Variants in SLC7A1 observed in about 807,000 individuals in gnomAD.
SLC7A1 encodes the protein high affinity cationic amino acid transporter 1.
Under a neutral mutation model 53.9 loss-of-function variants are expected in SLC7A1, and 10 were observed. The observed-to-expected ratio is 0.19, with a 90% CI of 0.11 to 0.31. The LOEUF (loss-of-function observed/expected upper bound fraction) is 0.31, where lower values mean the gene tolerates loss of function less well. Among genes scored for constraint, SLC7A1 ranks in the 10% least tolerant of loss-of-function variants. The pLI, the probability that SLC7A1 is intolerant of heterozygous loss-of-function variation, is 1.00. For missense variants in SLC7A1, 525 were observed against 827.2 expected (o/e 0.63, Z 4.48); for synonymous variants, 342 against 338.7 (o/e 1.01, Z -0.11).
chr13:29,556,013 G>A (rs770543705), intron 1 of SLC7A1, among the ~76,000 whole-genome samples: 4 of 152,200 alleles, frequency 2.6e-5, no homozygotes, highest in African/African-American at 4.8e-5. Flanking sequence ...CGGAACCCAC[G>A]ATTGCCTGTG....
At chr13:29,547,813 C>T (rs1033825101) in intron 2 of SLC7A1, among the ~76,000 whole-genome samples, 1 of 152,188 alleles carries the variant, frequency 6.6e-6, no homozygotes, top group Non-Finnish European at 1.5e-5. Flanking sequence ...CTCATTTGTG[C>T]ATGTTTGGAA....
chr13:29,548,482 C>T (rs1392210904), intron 2 of SLC7A1, among the ~76,000 whole-genome samples: 1 of 152,204 alleles, frequency 6.6e-6, no homozygotes, highest in Non-Finnish European at 1.5e-5. Flanking sequence ...GGCAGGGTGG[C>T]CCCTTTAGGG....
At position 29,514,494 on chromosome 13, in the gene SLC7A1, C is replaced by T. The variant is rs1245142183; in HGVS notation, c.1876G>A (p.Asp626Asn). Residue 626 changes from aspartate (D) to asparagine (N), a missense_variant, in exon 13 of 13, where the codon GAC becomes AAC. Coordinates refer to ENST00000380752, the MANE Select transcript of SLC7A1 (RefSeq NM_003045.5). Reference protein sequence around the residue: ...DQARTPDGNLDQCK With the variant: ...DQARTPDGNLNQCK ...GGGGCTGTGCGTCACTTGCACTGGT[C>T]CAAGTTGCCGTCAGGAGTCCTTGCT... 1.9e-6 allele frequency: 3 copies of T among 1,609,512 alleles called. No individual in the cohort carries two copies. The highest frequency in any genetic ancestry group is 1.1e-5 in the South Asian group (1 of 91,054).
chr13:29,548,317 G>A (rs1870013609), intron 2 of SLC7A1, among the ~76,000 whole-genome samples: 1 of 152,210 alleles, frequency 6.6e-6, no homozygotes, highest in Non-Finnish European at 1.5e-5. Flanking sequence ...ACATTGGAAG[G>A]AACGCAAGTG....
chr13:29,518,465 A>G (rs1868462967), intron 9 of SLC7A1, among the ~76,000 whole-genome samples: 1 of 152,224 alleles, frequency 6.6e-6, no homozygotes, highest in South Asian at 2.1e-4. Context: ...AGAGTTCTGT[A>G]TGAATTATTT....
chr13:29,535,057 G>A (rs1347449701), intron 3 of SLC7A1, among the ~76,000 whole-genome samples: 1 of 152,210 alleles, frequency 6.6e-6, no homozygotes, highest in African/African-American at 2.4e-5. Flanking sequence ...CCCTGGCTAC[G>A]TGGAGGATCA....
At chr13:29,525,948 C>T (rs1307162695) in intron 5 of SLC7A1, among the ~76,000 whole-genome samples, 1 of 152,232 alleles carries the variant, frequency 6.6e-6, no homozygotes. Context: ...GCCCCGCCGG[C>T]CACCCACTCC....
chr13:29,550,446 T>C lies in SLC7A1; in HGVS notation c.-15+3315A>G, dbSNP rs79453347. Among the ~76,000 whole-genome samples, 627 of 152,354 alleles carry C rather than the reference T, an allele frequency of 4.1e-3. 9 individuals carry two copies. The highest frequency in any genetic ancestry group is 0.014 in the African/African-American group (598 of 41,590). ...CCCCCTTTCAAGGATTAAGGAAAGG[T>C]GACCTGTGCTGGGCTGGCTTGATGA... On this transcript the variant is annotated intron_variant, in intron 2 of 12. Coordinates refer to ENST00000380752, the MANE Select transcript of SLC7A1 (RefSeq NM_003045.5).
At chr13:29,572,888 A>G (rs1871258988) in intron 1 of SLC7A1, among the ~76,000 whole-genome samples, 2 of 152,202 alleles carry the variant, frequency 1.3e-5, no homozygotes, top group South Asian at 4.1e-4. Context: ...CAACATCTAA[A>G]GCTGCACAAT....
intron 1 of SLC7A1, among the ~76,000 whole-genome samples, chr13:29,572,539 C>G (rs1054045494): frequency 6.6e-6 from 1 of 152,142 alleles, no homozygotes. Flanking sequence ...GGAGGAAGGA[C>G]TGGCCGGATG....
intron 11 of SLC7A1, 42 bp from the exon 12 acceptor site, chr13:29,516,288 C>A: frequency 7.8e-7 from 1 of 1,287,722 alleles, no homozygotes; most frequent in South Asian, 1.2e-5. Context: ...GCAGTGGCGC[C>A]GGTTCCAATA....
At chr13:29,577,031 C>T (rs906381836) in intron 1 of SLC7A1, among the ~76,000 whole-genome samples, 1 of 152,186 alleles carries the variant, frequency 6.6e-6, no homozygotes, top group Non-Finnish European at 1.5e-5. Context: ...ATTTAAATAC[C>T]ATTACAGAAG....
Position 29,516,153 on chromosome 13 carries a change from C to T in SLC7A1, c.1771G>A (p.Val591Met), listed in dbSNP as rs1236864791. ...CATCACATACCTATCAGCATCCACA[C>T]AGCAAACCGGACCCAGGTGCCCTGG... ...LDQGTWVRFAVWMLIGFIIYF... is the reference protein window; with the variant it reads ...LDQGTWVRFAMWMLIGFIIYF... The change falls in exon 12 of 13, where the codon GTG (valine) becomes ATG (methionine). Residue 591 changes from valine to methionine, a missense_variant. By Grantham distance (21) the Val-to-Met change is conservative. Transcript: ENST00000380752. 6.2e-7 allele frequency: 1 copy of T among 1,612,402 alleles called. No individual in the cohort carries two copies. The highest frequency in any genetic ancestry group is 1.1e-5 in the South Asian group (1 of 90,876).
intron 1 of SLC7A1, among the ~76,000 whole-genome samples, chr13:29,588,798 C>G (rs1871991915): frequency 6.6e-6 from 1 of 152,164 alleles, no homozygotes; most frequent in Non-Finnish European, 1.5e-5. Context: ...AGCCACCATG[C>G]CTGGCCTCTG....
chr13:29,524,903 T>G (rs990669370), intron 5 of SLC7A1, among the ~76,000 whole-genome samples: 4 of 151,870 alleles, frequency 2.6e-5, no homozygotes, highest in African/African-American at 9.7e-5. Context: ...AACTCAGGAG[T>G]CCAGAAGAAG....
chr13:29,592,720 A>T (rs1872160263), intron 1 of SLC7A1, among the ~76,000 whole-genome samples: 3 of 152,130 alleles, frequency 2.0e-5, no homozygotes, highest in Admixed American at 1.3e-4. Context: ...GCCACAAATG[A>T]AGCTACTACT....
In SLC7A1 at chr13:29,522,420, G is replaced by A; in HGVS notation, c.1086C>T (p.Ile362=). The A allele has an allele frequency of 6.2e-7, 1 of 1,614,170 alleles. No homozygotes were observed. The highest frequency in any genetic ancestry group is 8.5e-7 in the Non-Finnish European group (1 of 1,179,986). The change falls in exon 8 of 13, where the codon ATC becomes ATT. Residue 362 remains isoleucine (I), a synonymous_variant. Coordinates refer to ENST00000380752, the MANE Select transcript of SLC7A1 (RefSeq NM_003045.5). The part of the protein sequence containing the change: ...LGSMFPMPRV[I]YAMAEDGLLF... ...GCAGTCCATCCTCAGCCATGGCATAGATAACCCGAGGCATGGGAAACATGG... is the reference window on the plus strand; with the variant it reads ...GCAGTCCATCCTCAGCCATGGCATAAATAACCCGAGGCATGGGAAACATGG...
At chr13:29,544,902 C>T (rs1244811552) in intron 2 of SLC7A1, among the ~76,000 whole-genome samples, 1 of 148,596 alleles carries the variant, frequency 6.7e-6, no homozygotes, top group Admixed American at 6.7e-5. Context: ...ACTGACTCAA[C>T]TCGGCCCCCT....
Position 29,519,532 on chromosome 13 carries a change from A to G in SLC7A1, c.1207T>C (p.Phe403Leu). The G allele has an allele frequency of 6.2e-7, 1 of 1,611,884 alleles. No individual in the cohort carries two copies. The highest frequency in any genetic ancestry group is 8.5e-7 in the Non-Finnish European group (1 of 1,178,208). The change falls in exon 9 of 13, where the codon TTT becomes CTT. Residue 403 changes from phenylalanine (F) to leucine (L), a missense_variant. By Grantham distance (22) the Phe-to-Leu change is conservative. Around this residue, in one of 4 missense-constraint regions of SLC7A1, gnomAD observed 354 missense variants for 587.5 expected, o/e 0.60. Coordinates refer to ENST00000380752, the MANE Select transcript of SLC7A1 (RefSeq NM_003045.5). Reference sequence around the variant, plus strand: ...AGGTCCACCAAGTCCTTCAGGTCAAAGAGGAAGGCCATCACAGCTGGGAAG... The same window carrying G: ...AGGTCCACCAAGTCCTTCAGGTCAAGGAGGAAGGCCATCACAGCTGGGAAG... ...GAVAAVMAFL[F>L]DLKDLVDLMS...
Sources: gnomAD v4.1 joint callset for allele counts (sites outside exome capture counted in the v4.1 genomes callset) on GRCh38, gnomAD v4.1.1 for gene constraint, gnomAD v4.1.1 regional missense constraint, MANE v1.5 for transcripts, NCBI Gene and HGNC (gene_info 2026-07-23, HGNC 2026-07-21) for gene names.